Variants in PMF1 observed in about 807,000 individuals in gnomAD.
The protein encoded by PMF1 is polyamine-modulated factor 1.
A neutral mutation model predicts 26.7 loss-of-function variants in PMF1; 21 were observed. The ratio of observed to expected loss-of-function variants is 0.79; its 90% CI spans 0.56 to 1.13. PMF1 has a LOEUF of 1.13. Ranked by LOEUF, PMF1 falls within the 50% of genes most tolerant of loss-of-function variation. The pLI, the probability that PMF1 is intolerant of heterozygous loss-of-function variation, is 0.00. For missense variants in PMF1, 266 were observed against 254.9 expected (o/e 1.04, Z -0.30); for synonymous variants, 105 against 101.0 (o/e 1.04, Z -0.24).
At chr1:156,219,542 C>T (rs912444082) in intron 1 of PMF1, among the ~76,000 whole-genome samples, 7 of 152,146 alleles carry the variant, frequency 4.6e-5, no homozygotes, top group Admixed American at 3.9e-4. Context: ...AAACCAGGCC[C>T]TTGTAGGAAA....
intron 2 of PMF1, 47 bp from the exon 3 acceptor site, chr1:156,233,581 A>G (rs779223160): frequency 1.1e-5 from 18 of 1,590,300 alleles, no homozygotes; most frequent in Admixed American, 1.7e-5. Flanking sequence ...TATTTTTGCC[A>G]TGAGCTCATC....
At chr1:156,218,779 C>G (rs1399270410) in intron 1 of PMF1, among the ~76,000 whole-genome samples, 2 of 151,590 alleles carry the variant, frequency 1.3e-5, no homozygotes, top group African/African-American at 4.8e-5. Context: ...GAGACTCCGT[C>G]TCAAAAACAA....
At chr1:156,225,473 G>T in intron 1 of PMF1, 1 of 782,858 alleles carries the variant, frequency 1.3e-6, no homozygotes, top group Non-Finnish European at 2.2e-6. Flanking sequence ...CCCACAGTTG[G>T]CAAAGTCCAT....
At chr1:156,213,217 C>A (rs1418657287) in intron 1 of PMF1, 41 bp downstream of exon 1, 13 of 1,599,574 alleles carry the variant, frequency 8.1e-6, no homozygotes, top group Non-Finnish European at 1.1e-5. Context: ...TTGTTGGCAC[C>A]GAAGCTCAAA....
chr1:156,213,008 A>G lies in PMF1; in HGVS notation c.-8A>G. The G allele has an allele frequency of 6.2e-7, 1 of 1,614,134 alleles. No individual in the cohort carries two copies. The highest frequency in any genetic ancestry group is 8.5e-7 in the Non-Finnish European group (1 of 1,179,968). ...CGGGCCAGTTAGATTTGGAGGTTCA[A>G]CTTCAACATGGCCGAAGCAAGTAGC... On this transcript the variant is annotated 5_prime_UTR_variant, in exon 1 of 5. Transcript: ENST00000368277.
chr1:156,225,742 T>C, intron 1 of PMF1: 1 of 685,770 alleles, frequency 1.5e-6, no homozygotes, highest in Non-Finnish European at 2.6e-6. Flanking sequence ...CTTTTATCTT[T>C]CCATGCTGTC....
At chr1:156,225,479 T>G in intron 1 of PMF1, 1 of 809,974 alleles carries the variant, frequency 1.2e-6, no homozygotes, top group Non-Finnish European at 2.1e-6. Context: ...GTTGGCAAAG[T>G]CCATTGTACC....
rs935492477 is a variant in PMF1, at chr1:156,223,021, T to A, written c.162-9299T>A. Among the ~76,000 whole-genome samples, 58 of 152,098 alleles carry A rather than the reference T, an allele frequency of 3.8e-4. 1 individual carries two copies. The highest frequency in any genetic ancestry group is 1.3e-3 in the African/African-American group (55 of 41,482). On this transcript the variant is annotated intron_variant, in intron 1 of 4. Transcript: ENST00000368277. Reference sequence around the variant, plus strand: ...AAATAGTTCATCACAGGAAAAAGAGTGGTTTAATATATAAACTATTCTGAC... The same window carrying A: ...AAATAGTTCATCACAGGAAAAAGAGAGGTTTAATATATAAACTATTCTGAC...
At chr1:156,221,376 G>A (rs1004704536) in intron 1 of PMF1, among the ~76,000 whole-genome samples, 18 of 152,114 alleles carry the variant, frequency 1.2e-4, no homozygotes, top group African/African-American at 4.1e-4. Flanking sequence ...TCCCTGACCC[G>A]CTCTAAGGCC....
chr1:156,222,045 TCTC>T, intron 1 of PMF1, among the ~76,000 whole-genome samples: 1 of 152,276 alleles, frequency 6.6e-6, no homozygotes. Flanking sequence ...TTGATCCCCT[TCTC>T]CTGCTTAAAA....
intron 1 of PMF1, among the ~76,000 whole-genome samples, chr1:156,218,769 G>A (rs1361128970): frequency 3.3e-5 from 5 of 151,846 alleles, no homozygotes; most frequent in African/African-American, 9.7e-5. Flanking sequence ...GTGACAGAGC[G>A]AGACTCCGTC....
chr1:156,236,759 A>G (rs1293013628), intron 4 of PMF1: 3 of 471,984 alleles, frequency 6.4e-6, no homozygotes, highest in South Asian at 3.8e-5. Flanking sequence ...CAGGTGAGTC[A>G]CCCAAGGTAA....
At chr1:156,222,353 G>T (rs1218720827) in intron 1 of PMF1, among the ~76,000 whole-genome samples, 1 of 151,996 alleles carries the variant, frequency 6.6e-6, no homozygotes, top group Non-Finnish European at 1.5e-5. Context: ...CCAGAGAAAG[G>T]GCTCAATAAG....
At position 156,239,680 on chromosome 1, in the gene PMF1, C is replaced by T. The variant is rs1659237574; in HGVS notation, c.*79C>T. 3.1e-5 allele frequency: 36 copies of T among 1,174,222 alleles called. No individual in the cohort carries two copies. In the South Asian group the frequency reaches 4.4e-4, roughly 14 times the overall value. 72.7% of individuals were successfully genotyped at this position (1,174,222 alleles called of 1,614,324 possible). A position where few individuals can be genotyped will look rare whatever the true frequency, so the allele number is the denominator to read the frequency against. Reference sequence around the variant, plus strand: ...CAGCATGCCTGGCCTGGGCGGGCTACCTCTGAGAACGGCTGAAATGGTGCC... The same window carrying T: ...CAGCATGCCTGGCCTGGGCGGGCTATCTCTGAGAACGGCTGAAATGGTGCC... On this transcript the variant is annotated 3_prime_UTR_variant, in exon 5 of 5. Coordinates refer to ENST00000368277, the MANE Select transcript of PMF1 (RefSeq NM_007221.4).
intron 2 of PMF1, among the ~76,000 whole-genome samples, chr1:156,233,268 C>T (rs1422126345): frequency 1.3e-5 from 2 of 151,806 alleles, no homozygotes; most frequent in East Asian, 1.9e-4. Context: ...ATTCTTGTGC[C>T]TCAGCCTCCC....
intron 3 of PMF1, 105 bp downstream of exon 3, chr1:156,233,833 C>T: frequency 1.8e-6 from 2 of 1,105,882 alleles, no homozygotes; most frequent in Non-Finnish European, 2.6e-6. Context: ...CCAGGCTGGT[C>T]ACAAACTCCT....
At chr1:156,234,731 A>T (rs1317887461) in intron 3 of PMF1, among the ~76,000 whole-genome samples, 2 of 151,610 alleles carry the variant, frequency 1.3e-5, no homozygotes, top group East Asian at 1.9e-4. Context: ...CTGATCTCGA[A>T]CTCCTGACCT....
chr1:156,236,676 C>A (rs1659035981), intron 4 of PMF1, 193 bp downstream of exon 4: 4 of 710,032 alleles, frequency 5.6e-6, no homozygotes, highest in East Asian at 2.7e-5. Flanking sequence ...CAGACAGTCT[C>A]CCCCAGATCC....
At chr1:156,233,813 A>G in intron 3 of PMF1, 85 bp downstream of exon 3, 2 of 1,352,068 alleles carry the variant, frequency 1.5e-6, no homozygotes, top group Non-Finnish European at 2.0e-6. Flanking sequence ...TCAGGGTCTC[A>G]CTATGTTGGC....
Sources: allele counts gnomAD v4.1 joint callset (sites outside exome capture counted in the v4.1 genomes callset), GRCh38; gene constraint gnomAD v4.1.1; transcripts MANE v1.5; gene names NCBI Gene and HGNC (gene_info 2026-07-23, HGNC 2026-07-21).